GRIK4: variants seen among roughly 807,000 people sequenced by gnomAD.
GRIK4 encodes glutamate ionotropic receptor kainate type subunit 4, also known as glutamate receptor ionotropic, kainate 4.
A neutral mutation model predicts 104.9 loss-of-function variants in GRIK4; 40 were observed. That is an observed-to-expected ratio of 0.38 (90% CI 0.30 to 0.50). The LOEUF is 0.50. Ranked by LOEUF, GRIK4 falls within the 20% of genes least tolerant of loss-of-function variation. The probability of loss-of-function intolerance (pLI) is 0.93; values close to 1 mark genes in which losing one functional copy is unlikely to be tolerated. For synonymous variants in GRIK4, 485 were observed against 524.9 expected, an observed-to-expected ratio of 0.92 and a Z score of 1.04; for missense variants, 1,047 against 1,308.1, an observed-to-expected ratio of 0.80 and a Z score of 3.08.
chr11:120,871,499 C>T (rs901078799), intron 9 of GRIK4: 1 of 415,520 alleles, frequency 2.4e-6, no homozygotes, highest in Non-Finnish European at 4.9e-6. Context: ...GCTCAGCCCA[C>T]CTCATCCTAG....
Position 120,952,983 on chromosome 11 carries a change from C to T in GRIK4, c.1700+19C>T. 6.6e-7 allele frequency: 1 copy of T among 1,515,390 alleles called. No individual in the cohort carries two copies. The highest frequency in any genetic ancestry group is 9.2e-7 in the Non-Finnish European group (1 of 1,090,646). 93.9% of individuals were successfully genotyped at this position (1,515,390 alleles called of 1,614,324 possible). A position where few individuals can be genotyped will look rare whatever the true frequency, so the allele number is the denominator to read the frequency against. ...TGGCTCGGTACTCTCCTCTTCCCTT[C>T]CCTGTCCTTACACCGCCACCTCGTG... is the stretch of plus-strand genomic sequence containing the variant. On this transcript the variant is annotated intron_variant, in intron 15 of 20. Transcript: ENST00000527524. The surrounding 1 kb of genome is among the most constrained non-coding windows in gnomAD (Gnocchi z 5.2).
intron 9 of GRIK4, chr11:120,871,615 A>C: frequency 2.2e-6 from 1 of 456,362 alleles, no homozygotes; most frequent in Non-Finnish European, 4.4e-6. Flanking sequence ...AGGGACAGAC[A>C]GGAAGGGAGT....
intron 3 of GRIK4, among the ~76,000 whole-genome samples, chr11:120,725,781 T>A (rs1951018724): frequency 6.6e-6 from 1 of 152,240 alleles, no homozygotes; most frequent in African/African-American, 2.4e-5. Context: ...TGGGTCACTT[T>A]CTGTTCCCTT....
chr11:120,949,183 A>AG (rs1163230544), intron 14 of GRIK4, among the ~76,000 whole-genome samples: 2 of 152,144 alleles, frequency 1.3e-5, no homozygotes, highest in Non-Finnish European at 2.9e-5. Context: ...TGGGCATGAA[A>AG]GGGGGGTTTA....
chr11:120,823,369 C>T (rs1953174519), intron 6 of GRIK4, among the ~76,000 whole-genome samples: 1 of 152,216 alleles, frequency 6.6e-6, no homozygotes, highest in Non-Finnish European at 1.5e-5. Context: ...GGGCTCTTCC[C>T]ATTAGAATTA....
At chr11:120,558,594 C>A (rs1233566811) in intron 1 of GRIK4, among the ~76,000 whole-genome samples, 1 of 152,140 alleles carries the variant, frequency 6.6e-6, no homozygotes, top group Non-Finnish European at 1.5e-5. Flanking sequence ...TCTCAAAAAC[C>A]AAACCAAACC....
intron 3 of GRIK4, among the ~76,000 whole-genome samples, chr11:120,794,626 C>T (rs1014013752): frequency 6.6e-5 from 10 of 152,122 alleles, no homozygotes; most frequent in Admixed American, 2.6e-4. Context: ...AGGTGCCATC[C>T]GCACACCAAG....
At chr11:120,675,519 G>A (rs1950086212) in intron 3 of GRIK4, among the ~76,000 whole-genome samples, 3 of 152,176 alleles carry the variant, frequency 2.0e-5, no homozygotes, top group South Asian at 2.1e-4. Context: ...GAGGACACAG[G>A]TGAAGTAGCA....
intron 3 of GRIK4, among the ~76,000 whole-genome samples, chr11:120,771,611 A>G (rs1281766941): frequency 6.6e-6 from 1 of 152,244 alleles, no homozygotes; most frequent in Non-Finnish European, 1.5e-5. Context: ...GTGTTGAGAG[A>G]GAACACTAAG....
chr11:120,586,934 C>T lies in GRIK4; in HGVS notation c.-158-66751C>T, dbSNP rs150475178. Among the ~76,000 whole-genome samples, 467 of 152,312 alleles carry T rather than the reference C, an allele frequency of 3.1e-3. 6 individuals are homozygous for T. Among genetic ancestry groups the T allele is most frequent in the East Asian group, 2.1e-3 (11 of 5,194 alleles). On this transcript the variant is annotated intron_variant, in intron 1 of 20. Transcript: ENST00000527524. ...GGAACTGGTGTCAGGTCTGATGCCT[C>T]ATCCATTGGCCTAATCAGACCCTGT...
At chr11:120,685,736 C>T (rs769870032) in intron 3 of GRIK4, among the ~76,000 whole-genome samples, 1 of 152,152 alleles carries the variant, frequency 6.6e-6, no homozygotes, top group Non-Finnish European at 1.5e-5. Flanking sequence ...AGTTCTGAAG[C>T]TTTTTGAAGC....
At chr11:120,969,028 C>T (rs78731508) in intron 19 of GRIK4, among the ~76,000 whole-genome samples, 1 of 152,166 alleles carries the variant, frequency 6.6e-6, no homozygotes, top group East Asian at 1.9e-4. Flanking sequence ...TTTCAAGGCT[C>T]AGCTAGCCAT....
intron 19 of GRIK4, among the ~76,000 whole-genome samples, chr11:120,969,457 C>T (rs569873549): frequency 2.6e-5 from 4 of 152,010 alleles, no homozygotes; most frequent in South Asian, 2.1e-4. Context: ...TGTGCAGGGG[C>T]GCCGGGTGGT....
chr11:120,961,282 G>A (rs1481822937), intron 17 of GRIK4, among the ~76,000 whole-genome samples: 1 of 152,116 alleles, frequency 6.6e-6, no homozygotes, highest in African/African-American at 2.4e-5. Context: ...AATATCAGCC[G>A]GTGCCAGAGT....
At chr11:120,770,040 G>T (rs951928553) in intron 3 of GRIK4, among the ~76,000 whole-genome samples, 2 of 152,160 alleles carry the variant, frequency 1.3e-5, no homozygotes, top group Non-Finnish European at 2.9e-5. Flanking sequence ...ATACATTTTA[G>T]CAGGGCCTTC....
chr11:120,971,358 C>T (rs1335459802), intron 19 of GRIK4, among the ~76,000 whole-genome samples: 1 of 152,120 alleles, frequency 6.6e-6, no homozygotes. Context: ...CAATGAACAA[C>T]AAATGAATAG....
intron 1 of GRIK4, among the ~76,000 whole-genome samples, chr11:120,597,760 C>T (rs917581792): frequency 1.3e-5 from 2 of 152,054 alleles, no homozygotes; most frequent in African/African-American, 4.8e-5. Context: ...CATCTGAAAG[C>T]GAAAGGGAAA....
At position 120,988,630 on chromosome 11, in the gene GRIK4, C is replaced by T. The variant is rs1187926286; in HGVS notation, c.*2370C>T. On this transcript the variant is annotated 3_prime_UTR_variant, in exon 21 of 21. Coordinates refer to ENST00000527524, the MANE Select transcript of GRIK4 (RefSeq NM_014619.5). ...TTGCTCAAGCTAGTGGGTGAATTTG[C>T]AACCAGCTAATACTCTTCCTTGGTT... 1.3e-5 allele frequency: 2 copies of T among 152,216 alleles called. No homozygotes were observed. The highest frequency in any genetic ancestry group is 2.4e-5 in the African/African-American group (1 of 41,452). The allele number at this position is 152,216 out of a possible 1,614,324, so 9.4% of individuals were successfully genotyped here. A position where few individuals can be genotyped will look rare whatever the true frequency, so the allele number is the denominator to read the frequency against.
Position 120,819,675 on chromosome 11 carries a change from ACC to A in GRIK4, c.346-79_346-78del. ...TACATAAAAGAACTCACCCTCCACA[ACC>A]TCAGCTCACTCATCCCTCTTTCTTC... On this transcript the variant is annotated intron_variant, in intron 5 of 20. Coordinates refer to ENST00000527524, the MANE Select transcript of GRIK4 (RefSeq NM_014619.5). This position sits in a 1 kb window ranked among gnomAD's most constrained non-coding sequence, Gnocchi z 4.3. 7.3e-7 allele frequency: 1 copy of A among 1,363,066 alleles called. No homozygotes were observed. The highest frequency in any genetic ancestry group is 1.0e-6 in the Non-Finnish European group (1 of 957,772). The allele number at this position is 1,363,066 out of a possible 1,614,324, so 84.4% of individuals were successfully genotyped here.
Sources: gnomAD v4.1 joint callset for allele counts (sites outside exome capture counted in the v4.1 genomes callset) on GRCh38, gnomAD v4.1.1 for gene constraint, Gnocchi (gnomAD v3.1) non-coding constraint, MANE v1.5 for transcripts, NCBI Gene and HGNC (gene_info 2026-07-23, HGNC 2026-07-21) for gene names.